SFT2D1: variants seen among roughly 807,000 people sequenced by gnomAD.
SFT2D1 encodes the protein SFT2 domain containing 1, also known as vesicle transport protein SFT2A.
A neutral mutation model predicts 28.1 loss-of-function variants in SFT2D1; 24 were observed. That is an observed-to-expected ratio of 0.85 (90% CI 0.62 to 1.20). The LOEUF (loss-of-function observed/expected upper bound fraction) is 1.20. Among genes scored for constraint, SFT2D1 ranks in the 50% most tolerant of loss-of-function variants. The pLI is 0.00. For missense variants in SFT2D1, 181 were observed against 190.9 expected, an observed-to-expected ratio of 0.95 and a Z score of 0.31; for synonymous variants, 82 against 73.7, an observed-to-expected ratio of 1.11 and a Z score of -0.58.
intron 1 of SFT2D1, among the ~76,000 whole-genome samples, chr6:166,341,513 T>C (rs1323859058): frequency 6.7e-6 from 1 of 149,768 alleles, no homozygotes; most frequent in East Asian, 2.0e-4. Context: ...AGTTACAGAG[T>C]GCAATGAGAA....
chr6:166,332,923 C>T (rs1315791293), intron 1 of SFT2D1, among the ~76,000 whole-genome samples: 2 of 152,178 alleles, frequency 1.3e-5, no homozygotes, highest in Non-Finnish European at 2.9e-5. Flanking sequence ...ACAGCACAGC[C>T]GAAACCCACC....
At chr6:166,335,012 G>A (rs528218093) in intron 1 of SFT2D1, 42 of 501,642 alleles carry the variant, frequency 8.4e-5, no homozygotes, top group South Asian at 6.9e-4. Context: ...CAAGAAAAGG[G>A]GCTATGCCTT....
rs765787243 is a variant in SFT2D1, at chr6:166,324,623, T to C, written c.352-28A>G. Reference sequence around the variant, plus strand: ...AACAACAGCAAAAACAGAGCAATTATGAGTTTCAAAGTTTTAAAAACATCT... The same window carrying C: ...AACAACAGCAAAAACAGAGCAATTACGAGTTTCAAAGTTTTAAAAACATCT... On this transcript the variant is annotated intron_variant, in intron 5 of 7. Transcript: ENST00000361731. The C allele has an allele frequency of 1.0e-5, 16 of 1,599,656 alleles. No homozygotes were observed. In the South Asian group the frequency reaches 1.1e-4, roughly 11 times the overall value.
At chr6:166,335,017 T>C (rs546685282) in intron 1 of SFT2D1, 2 of 502,110 alleles carry the variant, frequency 4.0e-6, no homozygotes, top group East Asian at 4.7e-5. Flanking sequence ...AAAGGGGCTA[T>C]GCCTTCGTGC....
intron 4 of SFT2D1, 58 bp from the exon 5 acceptor site, chr6:166,326,225 A>G: frequency 6.8e-7 from 1 of 1,461,036 alleles, no homozygotes; most frequent in Non-Finnish European, 9.6e-7. Flanking sequence ...GCCTAATAAA[A>G]ATGCATAAAC....
chr6:166,327,805 T>A (rs147763950), intron 4 of SFT2D1, among the ~76,000 whole-genome samples: 133 of 152,228 alleles, frequency 8.7e-4, no homozygotes, highest in Non-Finnish European at 1.4e-3. Context: ...GGATATATTT[T>A]TTTTTTGGTT....
At chr6:166,326,204 T>C (rs1157640233) in intron 4 of SFT2D1, 37 bp from the exon 5 acceptor site, 1 of 1,574,248 alleles carries the variant, frequency 6.4e-7, no homozygotes, top group Non-Finnish European at 8.7e-7. Context: ...AAGTTTGAGA[T>C]CCTTTCAAAA....
At chr6:166,337,931 C>T (rs921008200) in intron 1 of SFT2D1, among the ~76,000 whole-genome samples, 1 of 151,936 alleles carries the variant, frequency 6.6e-6, no homozygotes, top group Admixed American at 6.6e-5. Context: ...GGATCCACGC[C>T]CTAATAAGAC....
intron 1 of SFT2D1, among the ~76,000 whole-genome samples, chr6:166,340,150 T>A (rs140969482): frequency 5.3e-5 from 8 of 152,276 alleles, no homozygotes; most frequent in African/African-American, 1.4e-4. Context: ...TCTGACCACT[T>A]TTTTGTTTTT....
intron 5 of SFT2D1, 121 bp from the exon 6 acceptor site, chr6:166,324,716 T>C (rs114699581): frequency 1.1e-6 from 1 of 905,040 alleles, no homozygotes; most frequent in Non-Finnish European, 1.6e-6. Flanking sequence ...TTTATTAAAT[T>C]TTAGTGTGAT....
Position 166,324,578 on chromosome 6 carries a change from C to A in SFT2D1, c.369G>T (p.Leu123=). ...ACTGCAATATGCAGAATAACACAGCCAGTCCCTTCTTATGCCACTAACAAC... is the reference window on the plus strand; with the variant it reads ...ACTGCAATATGCAGAATAACACAGCAAGTCCCTTCTTATGCCACTAACAAC... ...CAALWWHKKG[L]AVLFCILQFL... is the part of the protein sequence containing the mutation. Residue 123 remains leucine (L), a synonymous_variant, in exon 6 of 8, where the codon CTG becomes CTT. Coordinates refer to ENST00000361731, the MANE Select transcript of SFT2D1 (RefSeq NM_145169.3). 4 of 1,612,898 alleles carry A rather than the reference C, an allele frequency of 2.5e-6. No individual in the cohort carries two copies. The highest frequency in any genetic ancestry group is 3.4e-6 in the Non-Finnish European group (4 of 1,179,814).
At chr6:166,340,270 A>T (rs1280214900) in intron 1 of SFT2D1, among the ~76,000 whole-genome samples, 1 of 152,128 alleles carries the variant, frequency 6.6e-6, no homozygotes, top group Non-Finnish European at 1.5e-5. Context: ...GGCTTCTAAC[A>T]TTGCCTCTAC....
Position 166,329,653 on chromosome 6 carries a change from G to A in SFT2D1, c.151-64C>T, listed in dbSNP as rs558077640. The A allele has an allele frequency of 1.8e-4, 226 of 1,287,654 alleles. No homozygotes were observed. In the African/African-American group the frequency reaches 2.4e-3, roughly 14 times the overall value. The allele number at this position is 1,287,654 out of a possible 1,614,324, so 79.8% of individuals were successfully genotyped here. A position where few individuals can be genotyped will look rare whatever the true frequency, so the allele number is the denominator to read the frequency against. On this transcript the variant is annotated intron_variant, in intron 2 of 7. Coordinates refer to ENST00000361731, the MANE Select transcript of SFT2D1 (RefSeq NM_145169.3). Reference sequence around the variant, plus strand: ...TGATTTTAATGGTTAAAATATAAACGTGCTACTGCAGTAATACAATACCAA... The same window carrying A: ...TGATTTTAATGGTTAAAATATAAACATGCTACTGCAGTAATACAATACCAA...
At chr6:166,322,805 G>A (rs1225159431) in intron 7 of SFT2D1, 52 bp downstream of exon 7, 2 of 1,427,344 alleles carry the variant, frequency 1.4e-6, no homozygotes, top group Non-Finnish European at 2.0e-6. Context: ...TCATATATTT[G>A]TGTGAAGATA....
In SFT2D1 at chr6:166,319,979, T is replaced by C; in HGVS notation, c.*238A>G. The C allele has an allele frequency of 2.4e-6, 1 of 410,928 alleles. No individual in the cohort carries two copies. 25.5% of individuals were successfully genotyped at this position (410,928 alleles called of 1,614,324 possible). ...GCTAAAAATAATTTACAACTGGCAGTGATTAAAAATCTTATCTTTGGAAAA... is the reference window on the plus strand; with the variant it reads ...GCTAAAAATAATTTACAACTGGCAGCGATTAAAAATCTTATCTTTGGAAAA... On this transcript the variant is annotated 3_prime_UTR_variant, in exon 8 of 8. Transcript: ENST00000361731.
At chr6:166,330,936 T>C (rs1778538581) in intron 1 of SFT2D1, among the ~76,000 whole-genome samples, 1 of 152,218 alleles carries the variant, frequency 6.6e-6, no homozygotes, top group Non-Finnish European at 1.5e-5. Context: ...TCTAAGCTCT[T>C]TCAGTCCAAC....
At chr6:166,335,742 A>G (rs759699642) in intron 1 of SFT2D1, among the ~76,000 whole-genome samples, 2 of 152,236 alleles carry the variant, frequency 1.3e-5, no homozygotes, top group South Asian at 2.1e-4. Flanking sequence ...TGGCACTGGC[A>G]GAAGATTTTA....
At chr6:166,335,498 G>A in intron 1 of SFT2D1, 1 of 495,688 alleles carries the variant, frequency 2.0e-6, no homozygotes, top group Non-Finnish European at 3.9e-6. Flanking sequence ...ACAAAACCAA[G>A]GTGGCTACGG....
At chr6:166,330,844 G>A (rs1778537044) in intron 1 of SFT2D1, among the ~76,000 whole-genome samples, 1 of 152,214 alleles carries the variant, frequency 6.6e-6, no homozygotes, top group Non-Finnish European at 1.5e-5. Context: ...CCCATGGAGG[G>A]TAGAGGACGC....
Sources: allele counts gnomAD v4.1 joint callset (sites outside exome capture counted in the v4.1 genomes callset), GRCh38; gene constraint gnomAD v4.1.1; transcripts MANE v1.5; gene names NCBI Gene and HGNC (gene_info 2026-07-23, HGNC 2026-07-21).